Variants in LRP1B observed in about 807,000 individuals in gnomAD.
The protein encoded by LRP1B is low-density lipoprotein receptor-related protein 1B.
A neutral mutation model predicts 556.6 loss-of-function variants in LRP1B; 217 were observed. That is an observed-to-expected ratio of 0.39 (90% CI 0.35 to 0.44). The LOEUF is 0.44. LRP1B is among the 20% of genes least tolerant of loss of function. The pLI is 1.00. For synonymous variants in LRP1B, 2,047 were observed against 1,865.8 expected, an observed-to-expected ratio of 1.10 and a Z score of -2.50; for missense variants, 5,053 against 5,620.8, an observed-to-expected ratio of 0.90 and a Z score of 3.23.
intron 82 of LRP1B, among the ~76,000 whole-genome samples, chr2:140,316,879 C>T (rs1021246976): frequency 6.6e-6 from 1 of 152,176 alleles, no homozygotes; most frequent in South Asian, 2.1e-4. Flanking sequence ...AAAGATGAAG[C>T]GCTGACAGTT....
chr2:140,965,926 GT>G (rs1696206785), intron 18 of LRP1B, among the ~76,000 whole-genome samples: 1 of 150,448 alleles, frequency 6.6e-6, no homozygotes, highest in Non-Finnish European at 1.5e-5. Flanking sequence ...TGGTGTATAT[GT>G]GCCACATTCT....
chr2:140,422,937 A>C (rs377661177), intron 66 of LRP1B, among the ~76,000 whole-genome samples: 1 of 152,206 alleles, frequency 6.6e-6, no homozygotes, highest in Non-Finnish European at 1.5e-5. Flanking sequence ...ATGTTAATTC[A>C]GCAAGATGGT....
chr2:141,354,380 C>A (rs1272427149), intron 3 of LRP1B, among the ~76,000 whole-genome samples: 1 of 151,782 alleles, frequency 6.6e-6, no homozygotes, highest in Non-Finnish European at 1.5e-5. Context: ...AGTGTACTGC[C>A]CAAACCTATA....
At chr2:140,373,242 G>A (rs1683072065) in intron 68 of LRP1B, 105 bp from the exon 69 acceptor site, 1 of 904,082 alleles carries the variant, frequency 1.1e-6, no homozygotes, top group Middle Eastern at 2.5e-4. Flanking sequence ...AACTGATCCT[G>A]GAACAACTTG....
chr2:141,875,955 A>C (rs1698744935), intron 1 of LRP1B, among the ~76,000 whole-genome samples: 1 of 152,056 alleles, frequency 6.6e-6, no homozygotes, highest in African/African-American at 2.4e-5. Flanking sequence ...GAGTTGTCTA[A>C]AAATTTTAAG....
rs115017294 is a variant in LRP1B at position 140,975,290 on chromosome 2, T to C, written c.2887+6870A>G. 7.4e-3 allele frequency among the ~76,000 whole-genome samples: 1,123 copies of C among 152,126 alleles called. 11 individuals carry two copies. Among genetic ancestry groups the C allele is most frequent in the African/African-American group, 0.024 (989 of 41,494 alleles). ...AGAGAAGAAATGAAAAGGAGGAAGT[T>C]CAGGGAATCCTAAAGAGGGATGAGA... On this transcript the variant is annotated intron_variant, in intron 18 of 90. Transcript: ENST00000389484.
chr2:141,567,111 T>C (rs1170232754), intron 2 of LRP1B, among the ~76,000 whole-genome samples: 1 of 152,180 alleles, frequency 6.6e-6, no homozygotes, highest in East Asian at 1.9e-4. Flanking sequence ...GTGTTTGTTG[T>C]TATAAATAAA....
At chr2:140,832,822 A>C (rs1691763419) in intron 31 of LRP1B, among the ~76,000 whole-genome samples, 2 of 152,196 alleles carry the variant, frequency 1.3e-5, no homozygotes, top group Admixed American at 1.3e-4. Context: ...CTAGTGTTTG[A>C]TAGCACAGTA....
At chr2:140,975,412 G>T (rs1025184972) in intron 18 of LRP1B, among the ~76,000 whole-genome samples, 1 of 152,034 alleles carries the variant, frequency 6.6e-6, no homozygotes, top group African/African-American at 2.4e-5. Flanking sequence ...CAGAAAGGAA[G>T]TTTCCTCTAG....
intron 1 of LRP1B, among the ~76,000 whole-genome samples, chr2:141,951,354 C>T (rs1367534952): frequency 4.6e-5 from 7 of 152,084 alleles, no homozygotes; most frequent in East Asian, 1.9e-4. Context: ...TCCCCAACTC[C>T]GAGTCCCCAA....
chr2:140,847,855 T>C (rs148603957), intron 29 of LRP1B, among the ~76,000 whole-genome samples: 1 of 152,270 alleles, frequency 6.6e-6, no homozygotes, highest in African/African-American at 2.4e-5. Context: ...GTATATGTAT[T>C]AATTATTAGT....
At chr2:141,367,568 C>T (rs868418143) in intron 3 of LRP1B, among the ~76,000 whole-genome samples, 7 of 148,256 alleles carry the variant, frequency 4.7e-5, no homozygotes, top group East Asian at 2.0e-4. Flanking sequence ...TTGCAAGCTC[C>T]GCCTCCCCAG....
intron 1 of LRP1B, among the ~76,000 whole-genome samples, chr2:141,859,996 C>T (rs1402535836): frequency 6.6e-6 from 1 of 152,076 alleles, no homozygotes; most frequent in Non-Finnish European, 1.5e-5. Context: ...TTTATATGTT[C>T]ATTTTCATAA....
intron 3 of LRP1B, among the ~76,000 whole-genome samples, chr2:141,400,977 T>C (rs1343969773): frequency 6.6e-6 from 1 of 152,188 alleles, no homozygotes; most frequent in East Asian, 1.9e-4. Flanking sequence ...ATACTTAACT[T>C]TCTTTTATTT....
At chr2:141,839,694 T>C (rs1697400848) in intron 1 of LRP1B, among the ~76,000 whole-genome samples, 1 of 152,158 alleles carries the variant, frequency 6.6e-6, no homozygotes. Flanking sequence ...AAAGAAAATC[T>C]ATCTGATACT....
chr2:141,390,851 C>T (rs1690025254), intron 3 of LRP1B, among the ~76,000 whole-genome samples: 1 of 152,192 alleles, frequency 6.6e-6, no homozygotes, highest in African/African-American at 2.4e-5. Flanking sequence ...GGTTGCACAA[C>T]ATTGCTAATG....
chr2:140,386,185 GT>G (rs1246857114), intron 66 of LRP1B, among the ~76,000 whole-genome samples, 176 bp from the exon 67 acceptor site: 1 of 152,214 alleles, frequency 6.6e-6, no homozygotes, highest in East Asian at 1.9e-4. Flanking sequence ...TTTTTGTCTT[GT>G]TTTATGTTGT....
chr2:140,354,774 C>T lies in LRP1B; in HGVS notation c.11530+1568G>A, dbSNP rs531933820. On this transcript the variant is annotated intron_variant, in intron 75 of 90. Coordinates refer to ENST00000389484, the MANE Select transcript of LRP1B (RefSeq NM_018557.3). ...ACATGCCTAGTACCCAAAACAGTACCTGGCACTCAGCAACTGTTAATCCCC... is the reference window on the plus strand; with the variant it reads ...ACATGCCTAGTACCCAAAACAGTACTTGGCACTCAGCAACTGTTAATCCCC... 1.8e-3 allele frequency among the ~76,000 whole-genome samples: 276 copies of T among 152,116 alleles called. 2 individuals carry two copies. Among genetic ancestry groups the T allele is most frequent in the Non-Finnish European group, 3.0e-3 (206 of 67,968 alleles).
chr2:141,839,782 C>A (rs1697404773), intron 1 of LRP1B, among the ~76,000 whole-genome samples: 1 of 152,178 alleles, frequency 6.6e-6, no homozygotes, highest in Admixed American at 6.5e-5. Flanking sequence ...TCATCCTACT[C>A]AGCAAACAGC....
Sources: gnomAD v4.1 joint callset for allele counts (sites outside exome capture counted in the v4.1 genomes callset) on GRCh38, gnomAD v4.1.1 for gene constraint, MANE v1.5 for transcripts, NCBI Gene and HGNC (gene_info 2026-07-23, HGNC 2026-07-21) for gene names.